Variants in DLGAP1 observed in about 807,000 individuals in gnomAD.
DLGAP1 encodes the protein disks large-associated protein 1.
A neutral mutation model predicts 90.8 loss-of-function variants in DLGAP1; 11 were observed. That is an observed-to-expected ratio of 0.12 (90% CI 0.08 to 0.20). The LOEUF is 0.20. Ranked by LOEUF, DLGAP1 falls within the 10% of genes least tolerant of loss-of-function variation. The pLI is 1.00. For missense variants in DLGAP1, 1,050 were observed against 1,333.8 expected (o/e 0.79, Z 3.31); for synonymous variants, 558 against 540.7 (o/e 1.03, Z -0.44).
intron 9 of DLGAP1, among the ~76,000 whole-genome samples, chr18:3,557,071 G>C (rs1437618628): frequency 6.6e-6 from 1 of 151,950 alleles, no homozygotes; most frequent in Non-Finnish European, 1.5e-5. Flanking sequence ...TTCTTTTATT[G>C]TGTTTATTTT....
At chr18:3,994,723 C>G (rs1291046831) in intron 3 of DLGAP1, among the ~76,000 whole-genome samples, 1 of 152,116 alleles carries the variant, frequency 6.6e-6, no homozygotes, top group Admixed American at 6.5e-5. Context: ...TTTAAAATGA[C>G]CAGAACCACC....
At chr18:4,323,061 G>C (rs2080735995) in intron 1 of DLGAP1, among the ~76,000 whole-genome samples, 1 of 151,706 alleles carries the variant, frequency 6.6e-6, no homozygotes, top group South Asian at 2.1e-4. Flanking sequence ...CTGATGAAAG[G>C]TTTATATCCA....
intron 7 of DLGAP1, among the ~76,000 whole-genome samples, chr18:3,631,459 A>T (rs1239004947): frequency 6.6e-6 from 1 of 152,170 alleles, no homozygotes; most frequent in Admixed American, 6.5e-5. Flanking sequence ...CTTTTAAAAA[A>T]TATTCTGGAC....
chr18:3,649,361 C>A (rs1364179277), intron 7 of DLGAP1, among the ~76,000 whole-genome samples: 3 of 152,186 alleles, frequency 2.0e-5, no homozygotes, highest in Admixed American at 6.5e-5. Context: ...GAGCTCTATC[C>A]AACACGAGGA....
At chr18:4,360,955 T>C (rs1422682927) in intron 1 of DLGAP1, among the ~76,000 whole-genome samples, 3 of 150,082 alleles carry the variant, frequency 2.0e-5, no homozygotes, top group East Asian at 1.9e-4. Context: ...AGATTCTACG[T>C]CAAAAAAAAA....
At chr18:4,245,791 C>G (rs2078641498) in intron 1 of DLGAP1, among the ~76,000 whole-genome samples, 1 of 147,660 alleles carries the variant, frequency 6.8e-6, no homozygotes, top group South Asian at 2.1e-4. Context: ...CAATGAAATG[C>G]AAAGATACTC....
intron 1 of DLGAP1, among the ~76,000 whole-genome samples, chr18:4,197,265 T>C (rs960062363): frequency 3.5e-4 from 51 of 145,456 alleles, no homozygotes; most frequent in African/African-American, 1.2e-3. Flanking sequence ...AAATGAGAAC[T>C]ATTCAAATAT....
chr18:4,317,088 G>T (rs1451914859), intron 1 of DLGAP1, among the ~76,000 whole-genome samples: 2 of 152,152 alleles, frequency 1.3e-5, no homozygotes, highest in African/African-American at 2.4e-5. Context: ...TTGAAATCAG[G>T]TCAGGTTTTA....
intron 3 of DLGAP1, among the ~76,000 whole-genome samples, chr18:3,959,679 A>AAGAAAGAAAGAG (rs1477167770): frequency 1.3e-5 from 2 of 151,990 alleles, no homozygotes; most frequent in Non-Finnish European, 2.9e-5. Context: ...AAAAGAAAGA[A>AAGAAAGAAAGAG]AGAAAGAAAG....
chr18:3,958,772 T>A (rs1201428768), intron 3 of DLGAP1, among the ~76,000 whole-genome samples: 2 of 152,324 alleles, frequency 1.3e-5, no homozygotes, highest in African/African-American at 4.8e-5. Context: ...TCTCAGGAGC[T>A]GATGAGTAGC....
chr18:4,255,858 T>C (rs1353451949), intron 1 of DLGAP1, among the ~76,000 whole-genome samples: 1 of 152,188 alleles, frequency 6.6e-6, no homozygotes, highest in East Asian at 1.9e-4. Context: ...ATTAGAGATA[T>C]TTTATCTAGA....
At chr18:4,429,411 T>A (rs2144737563) in intron 1 of DLGAP1, among the ~76,000 whole-genome samples, 1 of 152,378 alleles carries the variant, frequency 6.6e-6, no homozygotes, top group South Asian at 2.1e-4. Flanking sequence ...TCATTCATTT[T>A]TTATAAAGTG....
intron 1 of DLGAP1, among the ~76,000 whole-genome samples, chr18:4,436,160 A>C (rs2083393861): frequency 6.6e-6 from 1 of 152,162 alleles, no homozygotes; most frequent in Non-Finnish European, 1.5e-5. Context: ...TTAGGGAGAT[A>C]CTGGTAATGA....
intron 1 of DLGAP1, among the ~76,000 whole-genome samples, chr18:4,435,098 A>G (rs1038035730): frequency 1.3e-5 from 2 of 152,200 alleles, no homozygotes; most frequent in Non-Finnish European, 2.9e-5. Context: ...AAAATGATTT[A>G]TATAATGTAA....
intron 3 of DLGAP1, among the ~76,000 whole-genome samples, chr18:3,929,715 C>T (rs974962728): frequency 6.6e-6 from 1 of 152,184 alleles, no homozygotes; most frequent in African/African-American, 2.4e-5. Flanking sequence ...AACAGTAATA[C>T]AACCAAATTT....
At chr18:4,401,475 C>T (rs1480342305) in intron 1 of DLGAP1, among the ~76,000 whole-genome samples, 1 of 152,062 alleles carries the variant, frequency 6.6e-6, no homozygotes, top group Non-Finnish European at 1.5e-5. Flanking sequence ...GAGTTTTCTG[C>T]TTATAAAATT....
At chr18:3,921,704 AT>A (rs2072272928) in intron 3 of DLGAP1, among the ~76,000 whole-genome samples, 1 of 152,210 alleles carries the variant, frequency 6.6e-6, no homozygotes, top group Non-Finnish European at 1.5e-5. Flanking sequence ...ACAGAAGCAC[AT>A]GTTGTAAGGA....
intron 2 of DLGAP1, among the ~76,000 whole-genome samples, chr18:4,053,506 C>G (rs982995184): frequency 1.3e-5 from 2 of 152,182 alleles, no homozygotes; most frequent in Non-Finnish European, 2.9e-5. Context: ...GGTGGGGACA[C>G]AGCCAAAGAG....
chr18:4,310,075 G>A (rs551291477), intron 1 of DLGAP1, among the ~76,000 whole-genome samples: 47 of 152,210 alleles, frequency 3.1e-4, no homozygotes, highest in African/African-American at 1.1e-3. Context: ...AGGAGAAATG[G>A]GAAAGCTTCA....
Sources: gnomAD v4.1 joint callset for allele counts (sites outside exome capture counted in the v4.1 genomes callset) on GRCh38, gnomAD v4.1.1 for gene constraint, MANE v1.5 for transcripts, NCBI Gene and HGNC (gene_info 2026-07-23, HGNC 2026-07-21) for gene names.